PPARA: variants seen among roughly 807,000 people sequenced by gnomAD.
PPARA encodes peroxisome proliferator activated receptor alpha.
PPARA carries 22 observed loss-of-function variants against 42.2 expected under a neutral mutation model. The observed-to-expected ratio is 0.52, with a 90% CI of 0.37 to 0.74. The LOEUF is 0.74. Among genes scored for constraint, PPARA ranks in the 30% least tolerant of loss-of-function variants. PPARA has a pLI of 0.00. For missense variants in PPARA, 465 were observed against 608.2 expected, an observed-to-expected ratio of 0.76 and a Z score of 2.48; for synonymous variants, 242 against 239.3, an observed-to-expected ratio of 1.01 and a Z score of -0.10.
At chr22:46,168,936 A>G (rs1054037284) in intron 2 of PPARA, among the ~76,000 whole-genome samples, 2 of 151,960 alleles carry the variant, frequency 1.3e-5, no homozygotes, top group African/African-American at 4.8e-5. Context: ...TGAAAAAGCT[A>G]TATACTGTCT....
intron 2 of PPARA, among the ~76,000 whole-genome samples, chr22:46,170,294 G>C (rs968462459): frequency 6.6e-6 from 1 of 151,446 alleles, no homozygotes; most frequent in Non-Finnish European, 1.5e-5. Flanking sequence ...TGTCACCCAG[G>C]CTGGAGTGCA....
intron 4 of PPARA, among the ~76,000 whole-genome samples, chr22:46,206,356 C>G (rs1933309280): frequency 6.6e-6 from 1 of 152,188 alleles, no homozygotes; most frequent in Non-Finnish European, 1.5e-5. Flanking sequence ...ACCTTGTGAT[C>G]TGCCTGCCTT....
intron 2 of PPARA, among the ~76,000 whole-genome samples, chr22:46,168,788 A>G (rs982603903): frequency 2.0e-5 from 3 of 152,020 alleles, no homozygotes; most frequent in Admixed American, 6.6e-5. Flanking sequence ...CTGACCAAGT[A>G]TGCGTAAGAA....
rs536207362 is a variant in PPARA at position 46,191,239 on chromosome 22, G to A, written c.-42-7103G>A. 2.6e-5 allele frequency among the ~76,000 whole-genome samples: 4 copies of A among 152,230 alleles called. No individual in the cohort carries two copies. In the East Asian group the frequency reaches 7.7e-4, roughly 29 times the overall value. On this transcript the variant is annotated intron_variant, in intron 3 of 8. Coordinates refer to ENST00000407236, the MANE Select transcript of PPARA (RefSeq NM_005036.6). The surrounding 1 kb of genome is among the most constrained non-coding windows in gnomAD (Gnocchi z 4.6). Reference sequence around the variant, plus strand: ...AAAATATTTGCAAAGGACCTTCTGGGTCCAAGAACCTCATGTCCAATACAA... The same window carrying A: ...AAAATATTTGCAAAGGACCTTCTGGATCCAAGAACCTCATGTCCAATACAA...
Position 46,241,613 on chromosome 22 carries a change from C to T in PPARA, c.*6233C>T, listed in dbSNP as rs1341170066. On this transcript the variant is annotated 3_prime_UTR_variant, in exon 9 of 9. Coordinates refer to ENST00000407236, the MANE Select transcript of PPARA (RefSeq NM_005036.6). The surrounding 1 kb of genome is among the most constrained non-coding windows in gnomAD (Gnocchi z 5.7). ...TTTGCCAGCTCTGGACATCTGAGGACGTCCCGGCAGATCTGGAATGGGGCC... is the reference window on the plus strand; with the variant it reads ...TTTGCCAGCTCTGGACATCTGAGGATGTCCCGGCAGATCTGGAATGGGGCC... The T allele has an allele frequency of 6.6e-6, 1 of 152,178 alleles. No homozygotes were observed. The highest frequency in any genetic ancestry group is 1.5e-5 in the Non-Finnish European group (1 of 68,052). The allele number at this position is 152,178 out of a possible 1,614,324, so 9.4% of individuals were successfully genotyped here. A position where few individuals can be genotyped will look rare whatever the true frequency, so the allele number is the denominator to read the frequency against.
At position 46,157,813 on chromosome 22, in the gene PPARA, G is replaced by A. The variant is rs151087378; in HGVS notation, c.-127+5843G>A. ...TTGGAGAAAACTCAGATGAAATATC[G>A]TCTGTGTTCCAGGAGGCAGGACTCA... On this transcript the variant is annotated intron_variant, in intron 2 of 8. Transcript: ENST00000407236. 2.7e-3 allele frequency among the ~76,000 whole-genome samples: 417 copies of A among 152,254 alleles called. 6 individuals carry two copies. Among genetic ancestry groups the A allele is most frequent in the African/African-American group, 9.2e-3 (384 of 41,548 alleles).
chr22:46,191,001 G>A lies in PPARA; in HGVS notation c.-42-7341G>A, dbSNP rs1478129775. Reference sequence around the variant, plus strand: ...AGGTCAGGTGTTCAAAACCAGCCTGGCCAAACATGGTGAAACCACATCTCT... The same window carrying A: ...AGGTCAGGTGTTCAAAACCAGCCTGACCAAACATGGTGAAACCACATCTCT... On this transcript the variant is annotated intron_variant, in intron 3 of 8. Transcript: ENST00000407236. This position sits in a 1 kb window ranked among gnomAD's most constrained non-coding sequence, Gnocchi z 4.6. Among the ~76,000 whole-genome samples, 1 of 152,140 alleles carries A rather than the reference G, an allele frequency of 6.6e-6. No individual in the cohort carries two copies. The highest frequency in any genetic ancestry group is 6.6e-5 in the Admixed American group (1 of 15,264).
chr22:46,157,523 G>T (rs2147109447), intron 2 of PPARA, among the ~76,000 whole-genome samples: 1 of 152,314 alleles, frequency 6.6e-6, no homozygotes, highest in Admixed American at 6.5e-5. Flanking sequence ...GAAGGTGAGG[G>T]CTGCCGCTGA....
chr22:46,213,691 G>A (rs1255363573), intron 4 of PPARA, among the ~76,000 whole-genome samples: 10 of 151,792 alleles, frequency 6.6e-5, no homozygotes, highest in African/African-American at 2.2e-4. Flanking sequence ...CTGGGTTCAC[G>A]CCATTCTCCT....
At chr22:46,213,764 T>G (rs1473243114) in intron 4 of PPARA, among the ~76,000 whole-genome samples, 1 of 152,068 alleles carries the variant, frequency 6.6e-6, no homozygotes, top group Non-Finnish European at 1.5e-5. Flanking sequence ...AATTTTTTTG[T>G]GTTTTTAGTA....
chr22:46,229,875 C>G (rs1002484122), intron 7 of PPARA, among the ~76,000 whole-genome samples: 8 of 152,202 alleles, frequency 5.3e-5, no homozygotes, highest in Non-Finnish European at 8.8e-5. Context: ...TTGAAACATT[C>G]CATACCATCT....
In PPARA at chr22:46,230,708, G is replaced by C. The variant is rs748937448; in HGVS notation, c.712-1084G>C. On this transcript the variant is annotated intron_variant, in intron 7 of 8. Coordinates refer to ENST00000407236, the MANE Select transcript of PPARA (RefSeq NM_005036.6). The surrounding 1 kb of genome is among the most constrained non-coding windows in gnomAD (Gnocchi z 5.0). ...GAGTTGGCACTTGCTCCAGAATATG[G>C]AGCACCGAGTGAAGGTTTCAGTTTC... is the stretch of plus-strand genomic sequence containing the variant. 6.6e-6 allele frequency among the ~76,000 whole-genome samples: 1 copy of C among 152,196 alleles called. No homozygotes were observed. The highest frequency in any genetic ancestry group is 1.5e-5 in the Non-Finnish European group (1 of 68,038).
rs373032071 is a variant in PPARA, at chr22:46,170,718, A to G, written c.-126-6035A>G. On this transcript the variant is annotated intron_variant, in intron 2 of 8. Transcript: ENST00000407236. ...AGTTGAGCAGAAAAGGCATACATCAATACCCACAATGAGAGTTGTCGTGAT... is the reference window on the plus strand; with the variant it reads ...AGTTGAGCAGAAAAGGCATACATCAGTACCCACAATGAGAGTTGTCGTGAT... Among the ~76,000 whole-genome samples the G allele has an allele frequency of 9.9e-5, 15 of 151,950 alleles. 1 individual carries two copies. The highest frequency in any genetic ancestry group is 1.8e-4 in the Non-Finnish European group (12 of 67,918).
In PPARA at chr22:46,222,817, G is replaced by A. The variant is rs1370018156; in HGVS notation, c.711+2803G>A. ...GAGGATCACTTGAGGCAATCCAAGA[G>A]TTTGAGACCAGGCAACACAAGGAGA... On this transcript the variant is annotated intron_variant, in intron 7 of 8. Transcript: ENST00000407236. The surrounding 1 kb of genome is among the most constrained non-coding windows in gnomAD (Gnocchi z 5.9). Among the ~76,000 whole-genome samples, 1 of 152,122 alleles carries A rather than the reference G, an allele frequency of 6.6e-6. No individual in the cohort carries two copies. Among genetic ancestry groups the A allele is most frequent in the Non-Finnish European group, 1.5e-5 (1 of 68,030 alleles).
At position 46,193,040 on chromosome 22, in the gene PPARA, T is replaced by TA. The variant is rs1411580512; in HGVS notation, c.-42-5300dup. Among the ~76,000 whole-genome samples, 1 of 152,034 alleles carries TA rather than the reference T, an allele frequency of 6.6e-6. No individual in the cohort carries two copies. Among genetic ancestry groups the TA allele is most frequent in the African/African-American group, 2.4e-5 (1 of 41,418 alleles). On this transcript the variant is annotated intron_variant, in intron 3 of 8. Transcript: ENST00000407236. The surrounding 1 kb of genome is among the most constrained non-coding windows in gnomAD (Gnocchi z 5.3). ...GGTACAAAAAACTAGAAAGAATGAATAAGACCCACTAGGTTTTTTGTTGTT... is the reference window on the plus strand; with the variant it reads ...GGTACAAAAAACTAGAAAGAATGAATAAAGACCCACTAGGTTTTTTGTTGTT...
chr22:46,180,804 G>A lies in PPARA; in HGVS notation c.-43+3968G>A, dbSNP rs1243366448. 6.6e-6 allele frequency among the ~76,000 whole-genome samples: 1 copy of A among 152,150 alleles called. No homozygotes were observed. The highest frequency in any genetic ancestry group is 2.4e-5 in the African/African-American group (1 of 41,416). On this transcript the variant is annotated intron_variant, in intron 3 of 8. Coordinates refer to ENST00000407236, the MANE Select transcript of PPARA (RefSeq NM_005036.6). The surrounding 1 kb of genome is among the most constrained non-coding windows in gnomAD (Gnocchi z 4.2). ...CTGATTTCCCACTACATTTTCTGGG[G>A]GCTCGTCCGGGATTGGAGATGGCAG...
intron 6 of PPARA, among the ~76,000 whole-genome samples, chr22:46,218,928 G>A (rs575137384): frequency 1.3e-5 from 2 of 151,724 alleles, no homozygotes; most frequent in African/African-American, 4.8e-5. Context: ...TTTGGAGGCC[G>A]AGGCGGGTGG....
chr22:46,236,975 C>T lies in PPARA; in HGVS notation c.*1595C>T, dbSNP rs1299747531. ...GGTAGTTTGTCAAGAATATATGGAC[C>T]TGGAAACACTTTCTCTCTCTGTCCA... On this transcript the variant is annotated 3_prime_UTR_variant, in exon 9 of 9. Coordinates refer to ENST00000407236, the MANE Select transcript of PPARA (RefSeq NM_005036.6). The surrounding 1 kb of genome is among the most constrained non-coding windows in gnomAD (Gnocchi z 5.2). 6.6e-6 allele frequency: 1 copy of T among 152,158 alleles called. No homozygotes were observed. The allele number at this position is 152,158 out of a possible 1,614,324, so 9.4% of individuals were successfully genotyped here.
intron 6 of PPARA, among the ~76,000 whole-genome samples, chr22:46,218,852 A>AAAAG (rs1313594240): frequency 7.8e-6 from 1 of 127,832 alleles, no homozygotes; most frequent in Non-Finnish European, 1.5e-5. Context: ...AAAAAAAAGA[A>AAAAG]AAAGAAAGAA....
Sources: gnomAD v4.1 joint callset for allele counts (sites outside exome capture counted in the v4.1 genomes callset) on GRCh38, gnomAD v4.1.1 for gene constraint, Gnocchi (gnomAD v3.1) non-coding constraint, MANE v1.5 for transcripts, NCBI Gene and HGNC (gene_info 2026-07-23, HGNC 2026-07-21) for gene names.